The following AGTR1 variants were observed in gnomAD, a reference collection of about 807,000 sequenced individuals.
AGTR1 encodes type-1 angiotensin II receptor.
In AGTR1, 16 loss-of-function variants were observed where a neutral mutation model predicts 19.4. The observed-to-expected ratio is 0.82, with a 90% CI of 0.56 to 1.25. The LOEUF is 1.25. AGTR1 is among the 50% of genes most tolerant of loss of function. The pLI is 0.00. For missense variants in AGTR1, 373 were observed against 431.9 expected (o/e 0.86, Z 1.21); for synonymous variants, 153 against 154.9 (o/e 0.99, Z 0.09).
At chr3:148,736,593 G>C (rs1013677726) in intron 2 of AGTR1, among the ~76,000 whole-genome samples, 3 of 152,120 alleles carry the variant, frequency 2.0e-5, no homozygotes, top group Non-Finnish European at 4.4e-5. Flanking sequence ...TTCCTACAAA[G>C]ATCATGTGCA....
At chr3:148,724,139 G>T (rs1398537012) in intron 2 of AGTR1, among the ~76,000 whole-genome samples, 1 of 152,064 alleles carries the variant, frequency 6.6e-6, no homozygotes, top group Non-Finnish European at 1.5e-5. Flanking sequence ...TTTAAAGTTA[G>T]CTGTTTTCCC....
intron 1 of AGTR1, among the ~76,000 whole-genome samples, chr3:148,700,850 C>T (rs1712298783): frequency 6.6e-6 from 1 of 152,144 alleles, no homozygotes; most frequent in Non-Finnish European, 1.5e-5. Flanking sequence ...TCAAAATTCT[C>T]CTAATGTTTC....
chr3:148,730,299 A>C (rs778629974), intron 2 of AGTR1: 23 of 397,698 alleles, frequency 5.8e-5, no homozygotes, highest in Middle Eastern at 1.2e-3. Context: ...CCACTGTCTT[A>C]ACTCTGGTTG....
At chr3:148,707,244 C>T (rs1313674040) in intron 1 of AGTR1, among the ~76,000 whole-genome samples, 1 of 151,946 alleles carries the variant, frequency 6.6e-6, no homozygotes. Context: ...TATAGATATA[C>T]ATATTTATAT....
rs1331733336 is a variant in AGTR1 at position 148,727,037 on chromosome 3, T to A, written c.-47-13952T>A. Reference sequence around the variant, plus strand: ...ACAGGAATCAAATTTTGGGCATAGATGTCTATTAATATTGCTCCTTACAAA... The same window carrying A: ...ACAGGAATCAAATTTTGGGCATAGAAGTCTATTAATATTGCTCCTTACAAA... On this transcript the variant is annotated intron_variant, in intron 2 of 2. Transcript: ENST00000349243. Among the ~76,000 whole-genome samples, 3 of 152,192 alleles carry A rather than the reference T, an allele frequency of 2.0e-5. No homozygotes were observed. In the East Asian group the frequency reaches 5.8e-4, roughly 29 times the overall value.
intron 1 of AGTR1, among the ~76,000 whole-genome samples, chr3:148,700,132 C>A (rs2107921771): frequency 6.6e-6 from 1 of 152,172 alleles, no homozygotes; most frequent in Middle Eastern, 3.4e-3. Flanking sequence ...TCTTTTTCTT[C>A]TTTCTAGTTT....
intron 2 of AGTR1, chr3:148,739,950 A>G (rs1195088367): frequency 8.1e-7 from 1 of 1,231,764 alleles, no homozygotes; most frequent in Non-Finnish European, 1.0e-6. Context: ...TGGCTGTACC[A>G]CATTCGGTGA....
chr3:148,740,317 A>G (rs1714799406), intron 2 of AGTR1, among the ~76,000 whole-genome samples: 1 of 152,206 alleles, frequency 6.6e-6, no homozygotes, highest in Non-Finnish European at 1.5e-5. Flanking sequence ...CTTTTGCTAG[A>G]CTGAATTGGA....
chr3:148,733,539 A>G (rs1184120223), intron 2 of AGTR1, among the ~76,000 whole-genome samples: 3 of 152,230 alleles, frequency 2.0e-5, no homozygotes, highest in Non-Finnish European at 4.4e-5. Flanking sequence ...AGGTGGCTTC[A>G]TATACAAAAT....
chr3:148,735,518 C>A (rs1236795153), intron 2 of AGTR1, among the ~76,000 whole-genome samples: 4 of 152,002 alleles, frequency 2.6e-5, no homozygotes, highest in Non-Finnish European at 4.4e-5. Context: ...ATAATTTATA[C>A]CTGAGGAACT....
intron 2 of AGTR1, among the ~76,000 whole-genome samples, chr3:148,732,420 A>G (rs986102828): frequency 7.9e-5 from 12 of 152,258 alleles, no homozygotes; most frequent in Admixed American, 7.2e-4. Flanking sequence ...TTTTTAAAAG[A>G]AAGAAAAAAA....
intron 2 of AGTR1, among the ~76,000 whole-genome samples, chr3:148,740,384 C>T (rs1714804313): frequency 6.6e-6 from 1 of 152,200 alleles, no homozygotes; most frequent in South Asian, 2.1e-4. Context: ...GGAAAAAATC[C>T]TATTCCTCAA....
intron 1 of AGTR1, among the ~76,000 whole-genome samples, chr3:148,705,987 T>C (rs1712646445): frequency 6.6e-6 from 1 of 151,938 alleles, no homozygotes; most frequent in South Asian, 2.1e-4. Context: ...TTAGGAACAA[T>C]ATACAACAAA....
chr3:148,723,796 G>A (rs539028449), intron 2 of AGTR1, among the ~76,000 whole-genome samples: 9 of 152,226 alleles, frequency 5.9e-5, no homozygotes, highest in Middle Eastern at 3.4e-3. Flanking sequence ...GTGTTTTACC[G>A]TAACCTCCAA....
At chr3:148,705,607 G>A (rs35312854) in intron 1 of AGTR1, among the ~76,000 whole-genome samples, 65,964 of 151,888 alleles carry the variant, frequency 0.43, 16,135 homozygotes, top group African/African-American at 0.68. Context: ...AGTTACCAGA[G>A]TGGATTTTTG....
intron 2 of AGTR1, chr3:148,739,704 C>G (rs1435039361): frequency 2.6e-6 from 3 of 1,135,490 alleles, no homozygotes; most frequent in Non-Finnish European, 3.3e-6. Context: ...AAAGTGAACA[C>G]TACTCTAAGA....
At chr3:148,700,702 A>G (rs1468358076) in intron 1 of AGTR1, among the ~76,000 whole-genome samples, 1 of 152,184 alleles carries the variant, frequency 6.6e-6, no homozygotes, top group Non-Finnish European at 1.5e-5. Flanking sequence ...TGTGTCAATA[A>G]ACAAATATGG....
intron 2 of AGTR1, among the ~76,000 whole-genome samples, chr3:148,740,706 A>G (rs1714824238): frequency 6.6e-6 from 1 of 152,214 alleles, no homozygotes; most frequent in Admixed American, 6.5e-5. Context: ...AGATTTACTT[A>G]TAGAAAAAAA....
At chr3:148,737,719 C>T (rs947998083) in intron 2 of AGTR1, among the ~76,000 whole-genome samples, 1 of 152,132 alleles carries the variant, frequency 6.6e-6, no homozygotes. Context: ...TCCCTTTTTC[C>T]TCCACCCTCG....
Sources: allele counts gnomAD v4.1 joint callset (sites outside exome capture counted in the v4.1 genomes callset), GRCh38; gene constraint gnomAD v4.1.1; transcripts MANE v1.5; gene names NCBI Gene and HGNC (gene_info 2026-07-23, HGNC 2026-07-21).